The following KIF27 variants were observed in gnomAD, a reference collection of about 807,000 sequenced individuals.
The protein encoded by KIF27 is kinesin-like protein KIF27.
Under a neutral mutation model 141.8 loss-of-function variants are expected in KIF27, and 84 were observed. That is an observed-to-expected ratio of 0.59 (90% CI 0.50 to 0.71). The LOEUF (loss-of-function observed/expected upper bound fraction) is 0.71, where lower values mean the gene tolerates loss of function less well. Ranked by LOEUF, KIF27 falls within the 30% of genes least tolerant of loss-of-function variation. The pLI, the probability that KIF27 is intolerant of heterozygous loss-of-function variation, is 0.00. For synonymous variants in KIF27, 471 were observed against 569.5 expected (o/e 0.83, Z 2.46); for missense variants, 1,306 against 1,628.4 (o/e 0.80, Z 3.41).
chr9:83,862,497 T>G (rs1189173046), intron 13 of KIF27, among the ~76,000 whole-genome samples: 2 of 152,228 alleles, frequency 1.3e-5, no homozygotes, highest in African/African-American at 4.8e-5. Flanking sequence ...ATGTGTGGTA[T>G]TATTTCTGAG....
chr9:83,897,907 T>A (rs1044582458), intron 5 of KIF27, among the ~76,000 whole-genome samples: 10 of 152,132 alleles, frequency 6.6e-5, no homozygotes, highest in Non-Finnish European at 2.9e-5. Flanking sequence ...AAATACTACA[T>A]GCCTACCAGA....
chr9:83,872,421 G>A (rs1413721552), intron 11 of KIF27, among the ~76,000 whole-genome samples: 1 of 152,336 alleles, frequency 6.6e-6, no homozygotes, highest in East Asian at 1.9e-4. Context: ...AGGAGGCCAT[G>A]AGTCAAAGCT....
intron 13 of KIF27, among the ~76,000 whole-genome samples, chr9:83,863,125 G>A (rs923873472): frequency 7.2e-5 from 11 of 152,180 alleles, no homozygotes; most frequent in African/African-American, 2.6e-4. Context: ...TTGCAAACAG[G>A]GACAATTTGA....
At chr9:83,894,767 C>A (rs1165277564) in intron 5 of KIF27, among the ~76,000 whole-genome samples, 1 of 152,152 alleles carries the variant, frequency 6.6e-6, no homozygotes, top group East Asian at 1.9e-4. Context: ...GTGTCTTTTT[C>A]CTTTGCTGAT....
At chr9:83,854,679 G>T (rs941969795) in intron 14 of KIF27, among the ~76,000 whole-genome samples, 2 of 152,164 alleles carry the variant, frequency 1.3e-5, no homozygotes, top group African/African-American at 4.8e-5. Context: ...GGGACTACAG[G>T]CACATGCCAC....
rs747101930 is a variant in KIF27, at chr9:83,889,163, GTTC to G, written c.1897_1899del (p.Glu633del). The G allele has an allele frequency of 9.3e-6, 15 of 1,613,680 alleles. No homozygotes were observed. The highest frequency in any genetic ancestry group is 1.2e-5 in the Non-Finnish European group (14 of 1,179,862). ...AATTGGCAGTGGAGGACCTTATCTT[GTTC>G]TTCTATGTGACCCAACAGCATCTGA... is the stretch of plus-strand genomic sequence containing the variant. On this transcript the variant is annotated inframe_deletion, in exon 7 of 18. Coordinates refer to ENST00000297814, the MANE Select transcript of KIF27 (RefSeq NM_017576.4).
intron 2 of KIF27, among the ~76,000 whole-genome samples, chr9:83,914,007 G>C (rs1277940471): frequency 2.6e-5 from 4 of 151,854 alleles, no homozygotes; most frequent in Admixed American, 2.0e-4. Flanking sequence ...TTCTGATAGA[G>C]GGAACTTTAG....
chr9:83,894,959 C>CA (rs1953040008), intron 5 of KIF27, among the ~76,000 whole-genome samples: 2 of 151,908 alleles, frequency 1.3e-5, no homozygotes, highest in African/African-American at 4.8e-5. Context: ...AAAATCAGAT[C>CA]AATCGGCCGG....
chr9:83,861,972 G>T lies in KIF27; in HGVS notation c.2935-2601C>A, dbSNP rs567571380. Among the ~76,000 whole-genome samples, 41 of 152,360 alleles carry T rather than the reference G, an allele frequency of 2.7e-4. 1 individual carries two copies. In the South Asian group the frequency reaches 7.7e-3, roughly 29 times the overall value. ...TCATGTGTCTGTTGGCTGCATAAATGTCTTCTTTCGAGAAGCGTCTGTTCA... is the reference window on the plus strand; with the variant it reads ...TCATGTGTCTGTTGGCTGCATAAATTTCTTCTTTCGAGAAGCGTCTGTTCA... On this transcript the variant is annotated intron_variant, in intron 13 of 17. Coordinates refer to ENST00000297814, the MANE Select transcript of KIF27 (RefSeq NM_017576.4).
chr9:83,899,335 T>C (rs550073232), intron 5 of KIF27, among the ~76,000 whole-genome samples: 1 of 152,310 alleles, frequency 6.6e-6, no homozygotes, highest in East Asian at 1.9e-4. Context: ...GTATTTACCA[T>C]CCAACTCCTA....
intron 2 of KIF27, among the ~76,000 whole-genome samples, chr9:83,911,152 G>A (rs1955118090): frequency 6.6e-6 from 1 of 151,696 alleles, no homozygotes; most frequent in South Asian, 2.1e-4. Context: ...CTACAGCCTT[G>A]ACCTCCCGGG....
At position 83,911,169 on chromosome 9, in the gene KIF27, C is replaced by T. The variant is rs187122470; in HGVS notation, c.299-2517G>A. Among the ~76,000 whole-genome samples the T allele has an allele frequency of 7.8e-4, 119 of 152,202 alleles. 1 individual carries two copies. In the East Asian group the frequency reaches 0.023, roughly 29 times the overall value. On this transcript the variant is annotated intron_variant, in intron 2 of 17. Transcript: ENST00000297814. Reference sequence around the variant, plus strand: ...ACAGCCTTGACCTCCCGGGCTCAGGCGATCCTCCCACCTCAGCCTCTGAAG... The same window carrying T: ...ACAGCCTTGACCTCCCGGGCTCAGGTGATCCTCCCACCTCAGCCTCTGAAG...
chr9:83,870,908 T>C (rs1222626079), intron 11 of KIF27, among the ~76,000 whole-genome samples: 3 of 151,958 alleles, frequency 2.0e-5, no homozygotes, highest in Non-Finnish European at 2.9e-5. Context: ...GTGTGGATTT[T>C]TTTGTTTAAA....
chr9:83,844,019 C>T (rs889179013), intron 16 of KIF27, among the ~76,000 whole-genome samples: 2 of 152,120 alleles, frequency 1.3e-5, no homozygotes, highest in African/African-American at 2.4e-5. Flanking sequence ...AGGAGGTTAA[C>T]ATTTGAGTCA....
rs138516740 is a variant in KIF27 at position 83,903,259 on chromosome 9, G to A, written c.1259C>T (p.Thr420Ile). The A allele has an allele frequency of 5.9e-5, 95 of 1,614,120 alleles. No individual in the cohort carries two copies. In the Middle Eastern group the frequency reaches 6.6e-4, roughly 11 times the overall value. Residue 420 changes from threonine to isoleucine, a missense_variant, in exon 4 of 18, where the codon ACC becomes ATC. By Grantham distance (89) the Thr-to-Ile change is moderately conservative. Around this residue, in one of 4 missense-constraint regions of KIF27, gnomAD observed 533 missense variants for 565.6 expected, o/e 0.94. Coordinates refer to ENST00000297814, the MANE Select transcript of KIF27 (RefSeq NM_017576.4). ...GYQCCVEEAF[T>I]FLVDLKDTVR... The stretch of plus-strand genomic sequence containing the variant: ...AGTATCTTTTAGGTCAACCAGGAAG[G>A]TAAAGGCTTCTTCTACACAACACTG...
chr9:83,858,532 A>G (rs573406179), intron 14 of KIF27: 1 of 152,336 alleles, frequency 6.6e-6, no homozygotes, highest in East Asian at 1.9e-4. Flanking sequence ...AATTTTGAAA[A>G]AAGACAAAGT....
chr9:83,915,295 A>C lies in KIF27; in HGVS notation c.297T>G (p.Ile99Met). Residue 99 changes from isoleucine (I) to methionine (M), a missense_variant and splice_region_variant, in exon 2 of 18, where the codon ATT (isoleucine) becomes ATG (methionine). This residue lies in a region of KIF27 where 533 missense variants were observed against 565.6 expected (regional missense o/e 0.94). Coordinates refer to ENST00000297814, the MANE Select transcript of KIF27 (RefSeq NM_017576.4). ...GKTYTIGGGH[I>M]ASVVEGQKGI... Reference sequence around the variant, plus strand: ...AGTCAAAGAGTATAAGAATCTTACCAATATGGCCCCCTCCAATGGTGTATG... The same window carrying C: ...AGTCAAAGAGTATAAGAATCTTACCCATATGGCCCCCTCCAATGGTGTATG... 1 of 1,587,012 alleles carries C rather than the reference A, an allele frequency of 6.3e-7. No homozygotes were observed. Among genetic ancestry groups the C allele is most frequent in the Non-Finnish European group, 8.6e-7 (1 of 1,168,684 alleles).
intron 3 of KIF27, among the ~76,000 whole-genome samples, chr9:83,905,132 T>C (rs1275881534): frequency 6.6e-6 from 1 of 152,010 alleles, no homozygotes; most frequent in Non-Finnish European, 1.5e-5. Flanking sequence ...TTTTTTTTTT[T>C]TTCTTGAGAT....
chr9:83,910,474 A>T (rs953760035), intron 2 of KIF27, among the ~76,000 whole-genome samples: 1 of 152,238 alleles, frequency 6.6e-6, no homozygotes, highest in Non-Finnish European at 1.5e-5. Context: ...CTTGTATCAT[A>T]TTTCTTCACG....
Sources: gnomAD v4.1 joint callset for allele counts (sites outside exome capture counted in the v4.1 genomes callset) on GRCh38, gnomAD v4.1.1 for gene constraint, gnomAD v4.1.1 regional missense constraint, MANE v1.5 for transcripts, NCBI Gene and HGNC (gene_info 2026-07-23, HGNC 2026-07-21) for gene names.